The following MACROD2 variants were observed in gnomAD, a reference collection of about 807,000 sequenced individuals.
The protein encoded by MACROD2 is mono-ADP ribosylhydrolase 2, also known as ADP-ribose glycohydrolase MACROD2.
A neutral mutation model predicts 70.4 loss-of-function variants in MACROD2; 36 were observed. That is an observed-to-expected ratio of 0.51 (90% CI 0.39 to 0.68). The LOEUF (loss-of-function observed/expected upper bound fraction) is 0.68. Among genes scored for constraint, MACROD2 ranks in the 30% least tolerant of loss-of-function variants. The probability of loss-of-function intolerance (pLI) is 0.00; values close to 1 mark genes in which losing one functional copy is unlikely to be tolerated. For synonymous variants in MACROD2, 172 were observed against 178.8 expected, an observed-to-expected ratio of 0.96 and a Z score of 0.30; for missense variants, 496 against 538.4, an observed-to-expected ratio of 0.92 and a Z score of 0.78.
At chr20:14,117,264 A>T (rs2054528528) in intron 3 of MACROD2, among the ~76,000 whole-genome samples, 1 of 152,122 alleles carries the variant, frequency 6.6e-6, no homozygotes, top group African/African-American at 2.4e-5. Context: ...CTTGTACTTT[A>T]CGTACAGTGA....
intron 8 of MACROD2, among the ~76,000 whole-genome samples, chr20:15,794,912 C>T (rs1291898675): frequency 1.3e-5 from 2 of 152,016 alleles, no homozygotes; most frequent in African/African-American, 4.8e-5. Flanking sequence ...AGAATTGAAC[C>T]CCGTGGCTAG....
chr20:15,489,310 C>T (rs370421868), intron 7 of MACROD2, among the ~76,000 whole-genome samples: 1 of 151,986 alleles, frequency 6.6e-6, no homozygotes, highest in Non-Finnish European at 1.5e-5. Context: ...TTCTAGAGGC[C>T]CTGCTAGGGA....
intron 5 of MACROD2, among the ~76,000 whole-genome samples, chr20:14,724,895 C>T (rs1186885167): frequency 6.6e-6 from 1 of 152,082 alleles, no homozygotes; most frequent in Non-Finnish European, 1.5e-5. Flanking sequence ...TTACATATTA[C>T]TTGGGATATT....
chr20:14,809,444 G>C (rs528946166), intron 5 of MACROD2, among the ~76,000 whole-genome samples: 27 of 152,118 alleles, frequency 1.8e-4, no homozygotes, highest in African/African-American at 6.5e-4. Context: ...AGTGTTTAGA[G>C]GGAAATTTAT....
At chr20:15,645,084 A>T (rs1010142700) in intron 8 of MACROD2, among the ~76,000 whole-genome samples, 1 of 152,212 alleles carries the variant, frequency 6.6e-6, no homozygotes, top group African/African-American at 2.4e-5. Context: ...TAATGTCTTC[A>T]TCACCATGTT....
chr20:14,690,441 C>T (rs1385515332), intron 5 of MACROD2, among the ~76,000 whole-genome samples: 4 of 152,168 alleles, frequency 2.6e-5, no homozygotes, highest in Admixed American at 1.3e-4. Flanking sequence ...ATGATAGTAG[C>T]TTAAAATGTA....
At chr20:15,161,246 A>G (rs1419202873) in intron 5 of MACROD2, among the ~76,000 whole-genome samples, 9 of 151,966 alleles carry the variant, frequency 5.9e-5, no homozygotes, top group Admixed American at 5.9e-4. Flanking sequence ...GCTCAATAAA[A>G]AAATCATTTG....
chr20:15,624,873 C>A (rs969962285), intron 8 of MACROD2, among the ~76,000 whole-genome samples: 1 of 151,976 alleles, frequency 6.6e-6, no homozygotes, highest in African/African-American at 2.4e-5. Context: ...GAAATCTAAC[C>A]CTACAGAGCC....
chr20:15,972,637 C>A (rs982693999), intron 13 of MACROD2, among the ~76,000 whole-genome samples: 2 of 152,030 alleles, frequency 1.3e-5, no homozygotes, highest in Admixed American at 6.6e-5. Context: ...TGGTGAAACC[C>A]CATCTCTACT....
At chr20:14,163,695 T>G (rs1253663627) in intron 3 of MACROD2, among the ~76,000 whole-genome samples, 1 of 151,382 alleles carries the variant, frequency 6.6e-6, no homozygotes, top group East Asian at 2.0e-4. Context: ...TAGACCTGTC[T>G]TCAAGTTCTG....
rs979938460 is a variant in MACROD2, at chr20:14,825,864, C to T, written c.418+140905C>T. ...GGGCTCATTATGGATTATAGGTTTT[C>T]GAATGGGGATGCCTATGCACAAAAG... On this transcript the variant is annotated intron_variant, in intron 5 of 17. Coordinates refer to ENST00000684519, the MANE Select transcript of MACROD2 (RefSeq NM_001351661.2). 3.9e-5 allele frequency among the ~76,000 whole-genome samples: 6 copies of T among 152,226 alleles called. No individual in the cohort carries two copies. In the South Asian group the frequency reaches 6.2e-4, roughly 16 times the overall value.
chr20:15,586,564 C>T (rs2048604794), intron 8 of MACROD2, among the ~76,000 whole-genome samples: 1 of 152,130 alleles, frequency 6.6e-6, no homozygotes, highest in Non-Finnish European at 1.5e-5. Context: ...AAAAGCCAGC[C>T]TCATGCTGAC....
chr20:14,090,404 C>A (rs1299323587), intron 3 of MACROD2, among the ~76,000 whole-genome samples: 1 of 152,014 alleles, frequency 6.6e-6, no homozygotes, highest in Non-Finnish European at 1.5e-5. Flanking sequence ...GAAACCCCGT[C>A]TCTACTGAAA....
chr20:14,121,064 T>C (rs2054582974), intron 3 of MACROD2, among the ~76,000 whole-genome samples: 1 of 151,992 alleles, frequency 6.6e-6, no homozygotes, highest in African/African-American at 2.4e-5. Context: ...ATAATGTAAG[T>C]GTGTGATAAT....
intron 8 of MACROD2, among the ~76,000 whole-genome samples, chr20:15,681,127 C>A (rs1203339642): frequency 6.6e-6 from 1 of 152,210 alleles, no homozygotes; most frequent in East Asian, 1.9e-4. Context: ...AAGGTACAGG[C>A]AAGTGTACAC....
intron 3 of MACROD2, among the ~76,000 whole-genome samples, chr20:14,191,151 G>A (rs2081384926): frequency 6.6e-6 from 1 of 152,058 alleles, no homozygotes; most frequent in South Asian, 2.1e-4. Flanking sequence ...ATGTGCCTCA[G>A]GCTCTTGTGC....
intron 8 of MACROD2, among the ~76,000 whole-genome samples, chr20:15,788,388 C>G: frequency 6.6e-6 from 1 of 152,118 alleles, no homozygotes; most frequent in East Asian, 1.9e-4. Context: ...AAGAGGGGCT[C>G]AGGAGGCTGA....
At chr20:14,050,521 G>A (rs1001706291) in intron 2 of MACROD2, among the ~76,000 whole-genome samples, 1 of 132,964 alleles carries the variant, frequency 7.5e-6, no homozygotes, top group Non-Finnish European at 1.7e-5. Flanking sequence ...TAGATCTATA[G>A]GAGAAACCCA....
intron 3 of MACROD2, among the ~76,000 whole-genome samples, chr20:14,417,708 A>G (rs1320241667): frequency 5.3e-5 from 8 of 152,228 alleles, no homozygotes; most frequent in Non-Finnish European, 1.2e-4. Flanking sequence ...CAGTACAGAA[A>G]GAAGGTGGAG....
Sources: allele counts gnomAD v4.1 joint callset (sites outside exome capture counted in the v4.1 genomes callset), GRCh38; gene constraint gnomAD v4.1.1; transcripts MANE v1.5; gene names NCBI Gene and HGNC (gene_info 2026-07-23, HGNC 2026-07-21).